Variants in ATG9B observed in about 807,000 individuals in gnomAD.
The protein encoded by ATG9B is autophagy related 9B.
Under a neutral mutation model 92.9 loss-of-function variants are expected in ATG9B, and 92 were observed. The ratio of observed to expected loss-of-function variants is 0.99; its 90% confidence interval spans 0.84 to 1.18. The LOEUF (loss-of-function observed/expected upper bound fraction) is 1.18. Ranked by LOEUF, ATG9B falls within the 50% of genes most tolerant of loss-of-function variation. The pLI, the probability that ATG9B is intolerant of heterozygous loss-of-function variation, is 0.00. For synonymous variants in ATG9B, 599 were observed against 551.4 expected, an observed-to-expected ratio of 1.09 and a Z score of -1.21; for missense variants, 1,344 against 1,235.0, an observed-to-expected ratio of 1.09 and a Z score of -1.32.
At chr7:151,023,599 C>G (rs766037379) in intron 2 of ATG9B, 88 bp downstream of exon 2, 1 of 1,609,316 alleles carries the variant, frequency 6.2e-7, no homozygotes, top group Admixed American at 1.7e-5. Flanking sequence ...CCACCCATGA[C>G]GCCCTCACGG....
At chr7:151,012,341 C>G, downstream of ATG9B, 2 of 1,549,196 alleles carry the variant, frequency 1.3e-6, no homozygotes, top group South Asian at 2.4e-5. Context: ...TGGAGTGTCT[C>G]TCCTGCCAGG....
At position 151,015,289 on chromosome 7, in the gene ATG9B, A is replaced by G. The variant is rs1057032725; in HGVS notation, c.*439T>C. 6.6e-6 allele frequency: 1 copy of G among 152,356 alleles called. No individual in the cohort carries two copies. Among genetic ancestry groups the G allele is most frequent in the Non-Finnish European group, 1.5e-5 (1 of 68,162 alleles). The allele number at this position is 152,356 out of a possible 1,614,324, so 9.4% of individuals were successfully genotyped here. Reference sequence around the variant, plus strand: ...TTCCACTGACAAGTCCCCATCCCCTACAAGCCCCAAGGAACCTGAAAGTGC... The same window carrying G: ...TTCCACTGACAAGTCCCCATCCCCTGCAAGCCCCAAGGAACCTGAAAGTGC... On this transcript the variant is annotated 3_prime_UTR_variant, in exon 14 of 14. Transcript: ENST00000639579.
intron 3 of ATG9B, 79 bp from the exon 4 acceptor site, chr7:151,023,285 G>A (rs1563265625): frequency 6.2e-7 from 1 of 1,606,486 alleles, no homozygotes; most frequent in South Asian, 1.1e-5. Flanking sequence ...AGCCCCCAGA[G>A]CAGCCCATGG....
chr7:151,023,868 A>G lies in ATG9B; in HGVS notation c.550+6T>C, dbSNP rs1795844530. The G allele has an allele frequency of 3.1e-6, 5 of 1,610,974 alleles. No individual in the cohort carries two copies. The East Asian group carries it at 1.1e-4, about 36-fold the overall frequency. On this transcript the variant is annotated splice_donor_region_variant and intron_variant, in intron 1 of 13. Transcript: ENST00000639579. ...AACCCTCTCCCACCCACACCCACAC[A>G]CATACCTCGGAGCCCTTCAGGGACA...
downstream of ATG9B, chr7:151,012,492 G>T: frequency 6.2e-7 from 1 of 1,609,094 alleles, no homozygotes; most frequent in Non-Finnish European, 8.5e-7. Context: ...GGGACTAAAG[G>T]ACTGCCTGAA....
rs1477254384 is a variant in ATG9B, at chr7:151,023,971, A to G, written c.453T>C (p.Tyr151=). ...CAGGGTCACAGTCCTCCAGCCGCTCATAATCCTGTTCAGGGATCAAAGGGC... is the reference window on the plus strand; with the variant it reads ...CAGGGTCACAGTCCTCCAGCCGCTCGTAATCCTGTTCAGGGATCAAAGGGC... ...RVGPLIPEQD[Y]ERLEDCDPEG... The change falls in exon 1 of 14, where the codon TAT becomes TAC. Residue 151 remains tyrosine, a synonymous_variant. Coordinates refer to ENST00000639579, the MANE Select transcript of ATG9B (RefSeq NM_001317056.2). The G allele has an allele frequency of 1.6e-5, 26 of 1,591,620 alleles. No homozygotes were observed. In the East Asian group the frequency reaches 4.8e-4, roughly 29 times the overall value.
At chr7:151,012,872 G>C (rs1048287245), downstream of ATG9B, 1 of 347,128 alleles carries the variant, frequency 2.9e-6, no homozygotes, top group Admixed American at 4.5e-5. Flanking sequence ...ATCAAAAGAA[G>C]AGGGCTGTGA....
rs1455994807 is a variant in ATG9B at position 151,018,279 on chromosome 7, C to T, written c.1872+15G>A. On this transcript the variant is annotated intron_variant, in intron 7 of 13. Coordinates refer to ENST00000639579, the MANE Select transcript of ATG9B (RefSeq NM_001317056.2). This position sits in a 1 kb window ranked among gnomAD's most constrained non-coding sequence, Gnocchi z 4.7. The stretch of plus-strand genomic sequence containing the variant: ...CACAACTTCCTCCTCAGCCCGCCGT[C>T]GCGCCCACCCTCACCGCTCGGTACT... 6 of 1,522,394 alleles carry T rather than the reference C, an allele frequency of 3.9e-6. No individual in the cohort carries two copies. Among genetic ancestry groups the T allele is most frequent in the Non-Finnish European group, 5.2e-6 (6 of 1,143,462 alleles). 94.3% of individuals were successfully genotyped at this position (1,522,394 alleles called of 1,614,324 possible).
rs937180556 is a variant in ATG9B at position 151,016,349 on chromosome 7, C to A, written c.2520+82G>T. On this transcript the variant is annotated intron_variant, in intron 11 of 13. Transcript: ENST00000639579. ...CTCCTGCCACTCTGCTAGACCCTTCCGTAGACTCCACCCCACCTCAGTCTC... is the reference window on the plus strand; with the variant it reads ...CTCCTGCCACTCTGCTAGACCCTTCAGTAGACTCCACCCCACCTCAGTCTC... 4.0e-6 allele frequency: 6 copies of A among 1,514,134 alleles called. No homozygotes were observed. In the African/African-American group the frequency reaches 6.9e-5, roughly 17 times the overall value. The allele number at this position is 1,514,134 out of a possible 1,614,324, so 93.8% of individuals were successfully genotyped here.
chr7:151,015,761 C>T lies in ATG9B; in HGVS notation c.*15-48G>A, dbSNP rs1259999766. On this transcript the variant is annotated intron_variant, in intron 13 of 13. Coordinates refer to ENST00000639579, the MANE Select transcript of ATG9B (RefSeq NM_001317056.2). ...GCAAGCAGTCCAGGGGTCTAGATTC[C>T]AGAGATGACCACCTCCCATCACCCC... The T allele has an allele frequency of 2.2e-6, 3 of 1,349,258 alleles. No individual in the cohort carries two copies. The Admixed American group carries it at 8.3e-5, about 37-fold the overall frequency. 83.6% of individuals were successfully genotyped at this position (1,349,258 alleles called of 1,614,324 possible).
chr7:151,016,211 C>CCTG lies in ATG9B; in HGVS notation c.2542_2544dup (p.Gln848dup), dbSNP rs761367878. On this transcript the variant is annotated inframe_insertion, in exon 12 of 14. Transcript: ENST00000639579. ...GAGGCTGCAGCCTCACCCCACGGCT[C>CCTG]CTGCTGCTGCTGCTGCTGGTGAAGC... The CCTG allele has an allele frequency of 4.9e-5, 74 of 1,496,578 alleles. No individual in the cohort carries two copies. The highest frequency in any genetic ancestry group is 6.7e-5 in the South Asian group (5 of 75,044). The allele number at this position is 1,496,578 out of a possible 1,614,324, so 92.7% of individuals were successfully genotyped here. A position where few individuals can be genotyped will look rare whatever the true frequency, so the allele number is the denominator to read the frequency against.
chr7:151,014,274 C>A, downstream of ATG9B: 1 of 1,150,974 alleles, frequency 8.7e-7, no homozygotes, highest in South Asian at 1.5e-5. Context: ...GGTGCCTTCT[C>A]ACATCTGTCC....
chr7:151,014,214 G>A (rs1206786298), downstream of ATG9B: 2 of 1,552,756 alleles, frequency 1.3e-6, no homozygotes, highest in Non-Finnish European at 1.7e-6. Context: ...GCGGCTGCCC[G>A]ACTCAGGTCC....
chr7:151,013,783 C>T (rs763074484), downstream of ATG9B: 3 of 1,611,452 alleles, frequency 1.9e-6, no homozygotes, highest in Non-Finnish European at 2.5e-6. Context: ...GCGTGCTGTG[C>T]CTCGAGCGGG....
chr7:151,022,308 T>G (rs1795782239), intron 4 of ATG9B, among the ~76,000 whole-genome samples: 1 of 147,580 alleles, frequency 6.8e-6, no homozygotes, highest in Non-Finnish European at 1.5e-5. Flanking sequence ...CAGCTAATTT[T>G]TATTTTTTAT....
At chr7:151,014,246 C>A, downstream of ATG9B, 1 of 1,399,128 alleles carries the variant, frequency 7.1e-7, no homozygotes, top group Non-Finnish European at 9.7e-7. Context: ...ATCAGCCCCG[C>A]TCCTCCCCTC....
rs552138381 is a variant in ATG9B at position 151,015,872 on chromosome 7, C to T, written c.*14+10G>A. On this transcript the variant is annotated intron_variant, in intron 13 of 13. Coordinates refer to ENST00000639579, the MANE Select transcript of ATG9B (RefSeq NM_001317056.2). ...CCTTTCTCCCTCCCCTCACAGGAGGCAATACTGACCCTGAGGAGTCGTCTC... is the reference window on the plus strand; with the variant it reads ...CCTTTCTCCCTCCCCTCACAGGAGGTAATACTGACCCTGAGGAGTCGTCTC... The T allele has an allele frequency of 4.1e-5, 63 of 1,548,444 alleles. No homozygotes were observed. In the African/African-American group the frequency reaches 7.5e-4, roughly 19 times the overall value.
chr7:151,017,783 G>C, intron 8 of ATG9B, 88 bp downstream of exon 8: 3 of 1,414,620 alleles, frequency 2.1e-6, no homozygotes. Flanking sequence ...GCAAGCAATG[G>C]AGCCAGGGCT....
Position 151,017,315 on chromosome 7 carries a change from C to A in ATG9B, c.2053-43G>T, listed in dbSNP as rs756204653. On this transcript the variant is annotated intron_variant, in intron 8 of 13. Coordinates refer to ENST00000639579, the MANE Select transcript of ATG9B (RefSeq NM_001317056.2). ...CTTTCAGGTGCTAAGAACACTGAGCCTTATGGGAACAGGTGGGACAGGAAA... is the reference window on the plus strand; with the variant it reads ...CTTTCAGGTGCTAAGAACACTGAGCATTATGGGAACAGGTGGGACAGGAAA... 2.6e-5 allele frequency: 39 copies of A among 1,523,042 alleles called. No individual in the cohort carries two copies. In the Admixed American group the frequency reaches 7.7e-4, roughly 30 times the overall value. The allele number at this position is 1,523,042 out of a possible 1,614,324, so 94.3% of individuals were successfully genotyped here. A position where few individuals can be genotyped will look rare whatever the true frequency, so the allele number is the denominator to read the frequency against.
Sources: allele counts gnomAD v4.1 joint callset (sites outside exome capture counted in the v4.1 genomes callset), GRCh38; gene constraint gnomAD v4.1.1; non-coding constraint Gnocchi (gnomAD v3.1); transcripts MANE v1.5; gene names NCBI Gene and HGNC (gene_info 2026-07-23, HGNC 2026-07-21).